The following MRPL3 variants were observed in gnomAD, a reference collection of about 807,000 sequenced individuals.
MRPL3 encodes the protein mitochondrial ribosomal protein L3.
In MRPL3, 43 loss-of-function variants were observed where a neutral mutation model predicts 44.3. The ratio of observed to expected loss-of-function variants is 0.97; its 90% CI spans 0.76 to 1.25. The LOEUF (loss-of-function observed/expected upper bound fraction) is 1.25, where lower values mean the gene tolerates loss of function less well. Among genes scored for constraint, MRPL3 ranks in the 50% most tolerant of loss-of-function variants. The probability of loss-of-function intolerance (pLI) is 0.00; values close to 1 mark genes in which losing one functional copy is unlikely to be tolerated. For synonymous variants in MRPL3, 171 were observed against 152.3 expected (o/e 1.12, Z -0.91); for missense variants, 406 against 427.6 (o/e 0.95, Z 0.45).
At chr3:131,464,816 C>T (rs1175098062) in intron 9 of MRPL3, among the ~76,000 whole-genome samples, 1 of 152,104 alleles carries the variant, frequency 6.6e-6, no homozygotes, top group African/African-American at 2.4e-5. Flanking sequence ...TTATTGGTAA[C>T]CCTGTACTCT....
At chr3:131,471,583 A>G (rs966071235) in intron 6 of MRPL3, among the ~76,000 whole-genome samples, 2 of 152,226 alleles carry the variant, frequency 1.3e-5, no homozygotes, top group Non-Finnish European at 2.9e-5. Context: ...AATTCTGTGA[A>G]GATGACACAG....
chr3:131,490,195 A>G lies in MRPL3; in HGVS notation c.469-115T>C, dbSNP rs548502459. The G allele has an allele frequency of 5.7e-6, 4 of 706,708 alleles. No homozygotes were observed. In the Admixed American group the frequency reaches 9.5e-5, roughly 17 times the overall value. 43.8% of individuals were successfully genotyped at this position (706,708 alleles called of 1,614,324 possible). On this transcript the variant is annotated intron_variant, in intron 4 of 9. Transcript: ENST00000264995. ...CAGAAAATAAATCAAAGCATACCTTATTCCTTAATGAACAAAGGGCACCCA... is the reference window on the plus strand; with the variant it reads ...CAGAAAATAAATCAAAGCATACCTTGTTCCTTAATGAACAAAGGGCACCCA...
rs776589313 is a variant in MRPL3, at chr3:131,462,832, T to G, written c.938A>C (p.Asn313Thr). 7.4e-6 allele frequency: 12 copies of G among 1,612,540 alleles called. No individual in the cohort carries two copies. Among genetic ancestry groups the G allele is most frequent in the Admixed American group, 3.3e-5 (2 of 59,854 alleles). Residue 313 changes from asparagine to threonine, a missense_variant, in exon 10 of 10, where the codon AAT becomes ACT. Physicochemically the swap from Asn to Thr is moderately conservative, Grantham distance 65 (BLOSUM62 0). Coordinates refer to ENST00000264995, the MANE Select transcript of MRPL3 (RefSeq NM_007208.4). ...AGGAAAATATGTAGGGAATGGTAGA[T>G]TTTTACCGAGATCCTTATATGCAGG... ...KLPAYKDLGK[N>T]LPFPTYFPDG...
intron 9 of MRPL3, 107 bp from the exon 10 acceptor site, chr3:131,462,982 TG>T: frequency 1.1e-6 from 1 of 903,160 alleles, no homozygotes; most frequent in Non-Finnish European, 1.6e-6. Context: ...TTTTCTAATG[TG>T]AATAACACAA....
At chr3:131,493,067 C>A (rs1041636720) in intron 4 of MRPL3, among the ~76,000 whole-genome samples, 24 of 152,262 alleles carry the variant, frequency 1.6e-4, no homozygotes, top group Non-Finnish European at 1.3e-4. Context: ...GCTGTTCGCT[C>A]TCCCTCAACT....
In MRPL3 at chr3:131,498,177, A is replaced by G. The variant is rs1934409287; in HGVS notation, c.468+2T>C. On this transcript the variant is annotated splice_donor_variant, in intron 4 of 9. Transcript: ENST00000264995. LOFTEE classifies it high-confidence loss of function. The stretch of plus-strand genomic sequence containing the variant: ...ATTCTAGCTATGAAAATACATCCTT[A>G]CACGAAAACGTGATACAGTTTTTCC... The G allele has an allele frequency of 6.3e-7, 1 of 1,580,386 alleles. No homozygotes were observed. Among genetic ancestry groups the G allele is most frequent in the Non-Finnish European group, 8.7e-7 (1 of 1,149,810 alleles).
At chr3:131,481,408 C>G (rs775908524) in intron 6 of MRPL3, among the ~76,000 whole-genome samples, 6 of 152,150 alleles carry the variant, frequency 3.9e-5, no homozygotes, top group Admixed American at 3.9e-4. Context: ...TGTGCCAGGC[C>G]TTGAGCTAAG....
At chr3:131,500,080 CA>C (rs1400244097) in intron 3 of MRPL3, among the ~76,000 whole-genome samples, 2 of 152,058 alleles carry the variant, frequency 1.3e-5, no homozygotes, top group African/African-American at 4.8e-5. Context: ...GCAAAAAGAT[CA>C]AAACTGTAAT....
At chr3:131,469,555 CACAA>C in intron 8 of MRPL3, 137 bp downstream of exon 8, 1 of 568,538 alleles carries the variant, frequency 1.8e-6, no homozygotes, top group Non-Finnish European at 3.1e-6. Context: ...CACACACACA[CACAA>C]TTCATGTATC....
intron 4 of MRPL3, 142 bp downstream of exon 4, chr3:131,498,037 C>T (rs1934405517): frequency 3.0e-6 from 2 of 675,192 alleles, no homozygotes; most frequent in Admixed American, 2.7e-5. Context: ...AATGGCTGTG[C>T]CAGACTGCCT....
At chr3:131,490,558 G>C (rs1934235193) in intron 4 of MRPL3, among the ~76,000 whole-genome samples, 1 of 152,178 alleles carries the variant, frequency 6.6e-6, no homozygotes, top group Admixed American at 6.5e-5. Context: ...CATATCTCTG[G>C]TTAAATCATT....
chr3:131,463,079 A>G (rs1267910187), intron 9 of MRPL3, among the ~76,000 whole-genome samples: 2 of 152,228 alleles, frequency 1.3e-5, no homozygotes, highest in Non-Finnish European at 2.9e-5. Flanking sequence ...CAGAAACTCA[A>G]GAAGCTATAA....
At chr3:131,471,484 A>C in intron 6 of MRPL3, 1 of 521,690 alleles carries the variant, frequency 1.9e-6, no homozygotes, top group Non-Finnish European at 3.4e-6. Flanking sequence ...CCTGGAGTCT[A>C]ATTCTATATA....
chr3:131,502,866 C>A lies in MRPL3; in HGVS notation c.-45G>T. On this transcript the variant is annotated 5_prime_UTR_variant, in exon 1 of 10. Coordinates refer to ENST00000264995, the MANE Select transcript of MRPL3 (RefSeq NM_007208.4). ...CGACTCACGACTTCCGGGCGCCCTG[C>A]CGCTCTGCTTTCAGGGAGTCCCCAC... The A allele has an allele frequency of 1.9e-6, 3 of 1,578,986 alleles. No individual in the cohort carries two copies. The highest frequency in any genetic ancestry group is 1.1e-5 in the South Asian group (1 of 88,590).
At chr3:131,482,036 T>C (rs560600963) in intron 6 of MRPL3, among the ~76,000 whole-genome samples, 1 of 152,316 alleles carries the variant, frequency 6.6e-6, no homozygotes, top group East Asian at 1.9e-4. Flanking sequence ...CTGGGCTAGG[T>C]ATACAGCCCA....
chr3:131,497,377 ATAGAG>A (rs1254398583), intron 4 of MRPL3, among the ~76,000 whole-genome samples: 1 of 152,236 alleles, frequency 6.6e-6, no homozygotes, highest in Non-Finnish European at 1.5e-5. Flanking sequence ...CTATCAGAAA[ATAGAG>A]TAGTTAGTAG....
intron 4 of MRPL3, among the ~76,000 whole-genome samples, chr3:131,490,968 A>G (rs76526286): frequency 0.12 from 17,843 of 152,184 alleles, 1,389 homozygotes; most frequent in South Asian, 0.2. Context: ...CACCTATTCA[A>G]TGGTTTCCTC....
intron 3 of MRPL3, 138 bp from the exon 4 acceptor site, chr3:131,498,415 A>G: frequency 1.9e-6 from 1 of 532,048 alleles, no homozygotes; most frequent in Non-Finnish European, 3.3e-6. Flanking sequence ...ACCAACCACA[A>G]TCTTAAAAAT....
At chr3:131,496,122 G>A (rs996996672) in intron 4 of MRPL3, among the ~76,000 whole-genome samples, 1 of 152,106 alleles carries the variant, frequency 6.6e-6, no homozygotes, top group African/African-American at 2.4e-5. Flanking sequence ...TACAAAACTT[G>A]TAATGAAAAT....
Sources: gnomAD v4.1 joint callset for allele counts (sites outside exome capture counted in the v4.1 genomes callset) on GRCh38, gnomAD v4.1.1 for gene constraint, MANE v1.5 for transcripts, NCBI Gene and HGNC (gene_info 2026-07-23, HGNC 2026-07-21) for gene names.